Variants in CAST observed in about 807,000 individuals in gnomAD.
CAST encodes the protein calpastatin, also known as MIR583 host.
Under a neutral mutation model 119.6 loss-of-function variants are expected in CAST, and 76 were observed. The observed-to-expected ratio is 0.64, with a 90% CI of 0.53 to 0.77. The LOEUF is 0.77. Ranked by LOEUF, CAST falls within the 30% of genes least tolerant of loss-of-function variation. The pLI is 0.00. For missense variants in CAST, 953 were observed against 946.5 expected, an observed-to-expected ratio of 1.01 and a Z score of -0.09; for synonymous variants, 319 against 331.6, an observed-to-expected ratio of 0.96 and a Z score of 0.41.
the CAST span, among the ~76,000 whole-genome samples, chr5:96,508,183 T>C: frequency 5.3e-5 from 8 of 151,956 alleles, no homozygotes; most frequent in Non-Finnish European, 1.0e-4. Context: ...GTGTTTTGTT[T>C]TGTGTTTTAA....
chr5:96,522,457 A>G (rs187888308), upstream of CAST, among the ~76,000 whole-genome samples: 90 of 152,254 alleles, frequency 5.9e-4, 1 homozygote, highest in African/African-American at 2.0e-3. Flanking sequence ...CCAATTTACA[A>G]CAGTTTTAGG....
At chr5:96,619,512 C>G (rs769837872) in intron 1 of CAST, among the ~76,000 whole-genome samples, 30 of 152,234 alleles carry the variant, frequency 2.0e-4, no homozygotes, top group Admixed American at 5.9e-4. Flanking sequence ...CAGCAGCAAC[C>G]TGCTGGGTCC....
At chr5:96,086,964 A>G in the CAST span, among the ~76,000 whole-genome samples, 1 of 152,214 alleles carries the variant, frequency 6.6e-6, no homozygotes, top group Non-Finnish European at 1.5e-5. Context: ...CATTCCTACT[A>G]CCTGTTTTGG....
chr5:96,498,237 C>T, the CAST span, among the ~76,000 whole-genome samples: 1 of 152,058 alleles, frequency 6.6e-6, no homozygotes, highest in Non-Finnish European at 1.5e-5. Flanking sequence ...GTTTTGGTAC[C>T]AGTACCATGC....
the CAST span, among the ~76,000 whole-genome samples, chr5:96,005,093 G>C: frequency 1.3e-5 from 2 of 152,072 alleles, no homozygotes; most frequent in Non-Finnish European, 2.9e-5. Context: ...CAGTTGTGAG[G>C]GCAGAATAAA....
At chr5:96,369,979 A>C in the CAST span, among the ~76,000 whole-genome samples, 15 of 152,218 alleles carry the variant, frequency 9.9e-5, no homozygotes, top group African/African-American at 3.4e-4. Flanking sequence ...GTCATGACTT[A>C]GGTTAAATAA....
the CAST span, among the ~76,000 whole-genome samples, chr5:96,448,061 A>T: frequency 6.6e-6 from 1 of 151,962 alleles, no homozygotes. Flanking sequence ...CTGTGCAGAG[A>T]TGAGGGACAA....
At chr5:96,324,836 T>C in the CAST span, among the ~76,000 whole-genome samples, 1 of 152,070 alleles carries the variant, frequency 6.6e-6, no homozygotes, top group Non-Finnish European at 1.5e-5. Flanking sequence ...TTTTATGAAG[T>C]GACAAGAGTA....
chr5:96,010,808 A>G, the CAST span, among the ~76,000 whole-genome samples: 1 of 152,032 alleles, frequency 6.6e-6, no homozygotes, highest in Non-Finnish European at 1.5e-5. Context: ...CCTTGTAGAG[A>G]TCTTTCACTG....
At chr5:96,074,152 T>C in the CAST span, among the ~76,000 whole-genome samples, 1 of 152,202 alleles carries the variant, frequency 6.6e-6, no homozygotes, top group Non-Finnish European at 1.5e-5. Flanking sequence ...GCTACCTCGC[T>C]TCCCTGAACT....
At chr5:96,736,149 G>A (rs758512281) in intron 9 of CAST, 23 bp from the exon 10 acceptor site, 1 of 1,527,390 alleles carries the variant, frequency 6.5e-7, no homozygotes, top group East Asian at 2.3e-5. Context: ...GTGAGGAGTT[G>A]TTAATTTCTC....
intron 30 of CAST, 52 bp downstream of exon 30, chr5:96,770,654 A>G (rs749115455): frequency 8.3e-7 from 1 of 1,199,496 alleles, no homozygotes; most frequent in East Asian, 2.3e-5. Context: ...TACACAGAGT[A>G]GGGTTTATCA....
chr5:96,662,807 C>T (rs1009100526), intron 1 of CAST, among the ~76,000 whole-genome samples: 8 of 152,220 alleles, frequency 5.3e-5, no homozygotes, highest in Non-Finnish European at 1.2e-4. Flanking sequence ...ATGAGGTTCA[C>T]TCAGGACCCC....
At chr5:96,128,711 A>G in the CAST span, among the ~76,000 whole-genome samples, 1 of 152,070 alleles carries the variant, frequency 6.6e-6, no homozygotes, top group Admixed American at 6.6e-5. Flanking sequence ...AGTGAAATTA[A>G]TTCACTCCAT....
intron 1 of CAST, among the ~76,000 whole-genome samples, chr5:96,643,055 C>A (rs1484324569): frequency 2.0e-5 from 3 of 152,130 alleles, no homozygotes; most frequent in African/African-American, 7.2e-5. Flanking sequence ...CAGTCTGCCT[C>A]TCTGGGCTGT....
chr5:96,290,353 C>G, the CAST span, among the ~76,000 whole-genome samples: 1 of 152,120 alleles, frequency 6.6e-6, no homozygotes, highest in South Asian at 2.1e-4. Flanking sequence ...TTACCAGGCT[C>G]TAAGTTAGTT....
the CAST span, among the ~76,000 whole-genome samples, chr5:96,376,550 C>T: frequency 6.6e-6 from 1 of 151,856 alleles, no homozygotes; most frequent in Admixed American, 6.6e-5. Flanking sequence ...AAGTGATTCT[C>T]CAGCCTCAGC....
At chr5:96,577,771 G>A (rs1259364713) in intron 1 of CAST, among the ~76,000 whole-genome samples, 1 of 152,030 alleles carries the variant, frequency 6.6e-6, no homozygotes, top group African/African-American at 2.4e-5. Context: ...ATTTGTTGGT[G>A]TCTGTTTTAT....
the CAST span, among the ~76,000 whole-genome samples, chr5:96,101,686 C>T: frequency 6.6e-6 from 1 of 152,210 alleles, no homozygotes; most frequent in East Asian, 1.9e-4. Flanking sequence ...CATGGTGGCT[C>T]ATGCCTGTAA....
Sources: allele counts gnomAD v4.1 joint callset (sites outside exome capture counted in the v4.1 genomes callset), GRCh38; gene constraint gnomAD v4.1.1; transcripts MANE v1.5; gene names NCBI Gene and HGNC (gene_info 2026-07-23, HGNC 2026-07-21).